The following C1orf21 variants were observed in gnomAD, a reference collection of about 807,000 sequenced individuals.
C1orf21 encodes chromosome 1 open reading frame 21.
C1orf21 carries 3 observed loss-of-function variants against 18.7 expected under a neutral mutation model. The observed-to-expected ratio is 0.16, with a 90% CI of 0.07 to 0.42. C1orf21 has a LOEUF of 0.42. C1orf21 is among the 10% of genes least tolerant of loss of function. The probability of loss-of-function intolerance (pLI) is 0.99; values close to 1 mark genes in which losing one functional copy is unlikely to be tolerated. For missense variants in C1orf21, 104 were observed against 143.6 expected (o/e 0.72, Z 1.41); for synonymous variants, 41 against 46.4 (o/e 0.88, Z 0.47).
intron 3 of C1orf21, among the ~76,000 whole-genome samples, chr1:184,540,271 GTAGT>G (rs929719740): frequency 5.3e-5 from 8 of 152,196 alleles, no homozygotes; most frequent in African/African-American, 1.9e-4. Context: ...TTCTTTCATG[GTAGT>G]TAGTAGTAAT....
intron 3 of C1orf21, among the ~76,000 whole-genome samples, chr1:184,565,840 C>T (rs1253270251): frequency 1.3e-5 from 2 of 152,146 alleles, no homozygotes; most frequent in African/African-American, 4.8e-5. Context: ...ATTACATGGC[C>T]AATTGTCCTT....
chr1:184,445,343 C>CTCTCTCTCTCTCTCT (rs1657011851), intron 1 of C1orf21, among the ~76,000 whole-genome samples: 1 of 134,844 alleles, frequency 7.4e-6, no homozygotes, highest in African/African-American at 2.9e-5. Context: ...TTTTTTCAGA[C>CTCTCTCTCTCTCTCT]CTCTCTCTCT....
chr1:184,398,289 C>A (rs1656094399), intron 1 of C1orf21, among the ~76,000 whole-genome samples: 1 of 152,176 alleles, frequency 6.6e-6, no homozygotes, highest in African/African-American at 2.4e-5. Flanking sequence ...ACTACTGTTA[C>A]CTCTTCTTCA....
chr1:184,548,562 T>A (rs1658765643), intron 3 of C1orf21, among the ~76,000 whole-genome samples: 1 of 152,048 alleles, frequency 6.6e-6, no homozygotes, highest in African/African-American at 2.4e-5. Context: ...ACCTGGACTC[T>A]ACACTAAGCA....
chr1:184,552,756 G>A (rs1246686247), intron 3 of C1orf21, among the ~76,000 whole-genome samples: 1 of 152,072 alleles, frequency 6.6e-6, no homozygotes, highest in Non-Finnish European at 1.5e-5. Context: ...TAGATAAACA[G>A]CAGAGAGAGA....
chr1:184,547,560 T>A lies in C1orf21; in HGVS notation c.189+39878T>A, dbSNP rs186890226. Among the ~76,000 whole-genome samples, 6 of 152,230 alleles carry A rather than the reference T, an allele frequency of 3.9e-5. No homozygotes were observed. The East Asian group carries it at 9.7e-4, about 25-fold the overall frequency. ...GAAATCACAGGGAAGCTCTGTTTCC[T>A]TCCCCACGAAGCAGTGTACACGTGT... is the stretch of plus-strand genomic sequence containing the variant. On this transcript the variant is annotated intron_variant, in intron 3 of 5. Transcript: ENST00000235307.
chr1:184,580,500 T>A (rs1416699966), intron 3 of C1orf21, among the ~76,000 whole-genome samples: 1 of 152,258 alleles, frequency 6.6e-6, no homozygotes. Flanking sequence ...CCTCCTCAAA[T>A]AGGGCATGAA....
intron 1 of C1orf21, among the ~76,000 whole-genome samples, chr1:184,465,803 G>GTGTGT (rs1321755049): frequency 6.6e-6 from 1 of 152,194 alleles, no homozygotes; most frequent in Non-Finnish European, 1.5e-5. Context: ...TGATAAAAGA[G>GTGTGT]TGTGTCATCA....
chr1:184,390,860 A>G (rs1655961568), intron 1 of C1orf21, among the ~76,000 whole-genome samples: 1 of 152,218 alleles, frequency 6.6e-6, no homozygotes, highest in Admixed American at 6.5e-5. Flanking sequence ...TGGGTTCTTC[A>G]TAAAACACAA....
chr1:184,406,502 C>T (rs1656251374), intron 1 of C1orf21, among the ~76,000 whole-genome samples: 1 of 152,080 alleles, frequency 6.6e-6, no homozygotes, highest in Non-Finnish European at 1.5e-5. Context: ...AGGATCATAA[C>T]TGGGAGGGGG....
intron 2 of C1orf21, among the ~76,000 whole-genome samples, chr1:184,483,050 C>G (rs12040964): frequency 2.8e-4 from 42 of 152,324 alleles, no homozygotes; most frequent in Middle Eastern, 3.4e-3. Context: ...TTTTCTTTCA[C>G]TTTAAGTGTT....
chr1:184,535,488 A>G (rs1449736575), intron 3 of C1orf21, among the ~76,000 whole-genome samples: 1 of 152,222 alleles, frequency 6.6e-6, no homozygotes, highest in Non-Finnish European at 1.5e-5. Flanking sequence ...CTATTTTGCA[A>G]TCCTTTAGAG....
In C1orf21 at chr1:184,623,204, G is replaced by A. The variant is rs935300381; in HGVS notation, c.*3648G>A. The A allele has an allele frequency of 6.6e-6, 1 of 152,164 alleles. No individual in the cohort carries two copies. Among genetic ancestry groups the A allele is most frequent in the East Asian group, 1.9e-4 (1 of 5,200 alleles). 9.4% of individuals were successfully genotyped at this position (152,164 alleles called of 1,614,324 possible). A position where few individuals can be genotyped will look rare whatever the true frequency, so the allele number is the denominator to read the frequency against. ...CTACTAGTCATAGAAAAGAAACATT[G>A]TTAAACATGTTGAGTTTTAAAGGAA... is the stretch of plus-strand genomic sequence containing the variant. On this transcript the variant is annotated 3_prime_UTR_variant, in exon 6 of 6. Coordinates refer to ENST00000235307, the MANE Select transcript of C1orf21 (RefSeq NM_030806.4).
chr1:184,598,231 G>T (rs1322444941), intron 4 of C1orf21, among the ~76,000 whole-genome samples, 170 bp from the exon 5 acceptor site: 4 of 151,982 alleles, frequency 2.6e-5, no homozygotes, highest in Admixed American at 2.0e-4. Context: ...AAACACATTT[G>T]CAGGATTACT....
intron 1 of C1orf21, among the ~76,000 whole-genome samples, chr1:184,476,075 T>G (rs1311252806): frequency 6.6e-6 from 1 of 152,208 alleles, no homozygotes; most frequent in Non-Finnish European, 1.5e-5. Flanking sequence ...CTAAGTTCAT[T>G]TATTAGATCG....
chr1:184,612,537 C>G (rs1438219248), intron 5 of C1orf21, among the ~76,000 whole-genome samples: 4 of 152,154 alleles, frequency 2.6e-5, no homozygotes, highest in African/African-American at 9.7e-5. Flanking sequence ...ACTAGCCTGG[C>G]CAACATGATG....
chr1:184,506,174 A>G (rs1658058730), intron 2 of C1orf21, among the ~76,000 whole-genome samples: 1 of 152,232 alleles, frequency 6.6e-6, no homozygotes, highest in African/African-American at 2.4e-5. Context: ...ATCTTTACAA[A>G]AAAATAGAAT....
intron 5 of C1orf21, among the ~76,000 whole-genome samples, chr1:184,616,714 GTGT>G (rs1659830942): frequency 2.8e-5 from 4 of 141,314 alleles, no homozygotes; most frequent in Non-Finnish European, 4.5e-5. Flanking sequence ...GTGTGTATGT[GTGT>G]TGTGTGCACG....
intron 1 of C1orf21, among the ~76,000 whole-genome samples, chr1:184,424,849 A>G (rs1041129572): frequency 6.6e-6 from 1 of 152,186 alleles, no homozygotes; most frequent in Non-Finnish European, 1.5e-5. Context: ...ATTATTTACC[A>G]TAATCTCCAA....
Sources: gnomAD v4.1 joint callset for allele counts (sites outside exome capture counted in the v4.1 genomes callset) on GRCh38, gnomAD v4.1.1 for gene constraint, MANE v1.5 for transcripts, NCBI Gene and HGNC (gene_info 2026-07-23, HGNC 2026-07-21) for gene names.